Variants in ATP8B4 observed in about 807,000 individuals in gnomAD.
ATP8B4 encodes the protein probable phospholipid-transporting ATPase IM.
Under a neutral mutation model 145.6 loss-of-function variants are expected in ATP8B4, and 133 were observed. The ratio of observed to expected loss-of-function variants is 0.91; its 90% confidence interval spans 0.79 to 1.05. ATP8B4 has a LOEUF of 1.05. Among genes scored for constraint, ATP8B4 ranks in the 50% least tolerant of loss-of-function variants. The pLI is 0.00. For synonymous variants in ATP8B4, 507 were observed against 492.9 expected (o/e 1.03, Z -0.38); for missense variants, 1,458 against 1,425.2 (o/e 1.02, Z -0.37).
chr15:50,109,552 T>C (rs1328391680), intron 1 of ATP8B4, among the ~76,000 whole-genome samples: 1 of 151,786 alleles, frequency 6.6e-6, no homozygotes, highest in Non-Finnish European at 1.5e-5. Context: ...GCTTGAAAAT[T>C]CTCCAGTGGG....
At chr15:50,172,438 A>G (rs1485412851) in intron 1 of ATP8B4, among the ~76,000 whole-genome samples, 1 of 152,200 alleles carries the variant, frequency 6.6e-6, no homozygotes, top group Non-Finnish European at 1.5e-5. Context: ...TCTCGCTCAC[A>G]CAGTGCTCAA....
chr15:49,860,303 G>C lies in ATP8B4; in HGVS notation c.3470C>G (p.Ser1157Ter). The change falls in exon 28 of 28, where the codon TCA becomes TGA. Residue 1157 changes from serine (S) to a stop codon, truncating the protein, a stop_gained. Coordinates refer to ENST00000284509, the MANE Select transcript of ATP8B4 (RefSeq NM_024837.4). LOFTEE classifies it high-confidence loss of function. Reference sequence around the variant, plus strand: ...ATTATAATGTGTCTTTTCCAGCCCTGATGTTGGGGGTGGATTTTTAGCTCG... The same window carrying C: ...ATTATAATGTGTCTTTTCCAGCCCTCATGTTGGGGGTGGATTTTTAGCTCG... The part of the protein sequence containing the change: ...NMRAKNPPPT[S>*]GLEKTHYNST... The C allele has an allele frequency of 6.2e-7, 1 of 1,614,118 alleles. No individual in the cohort carries two copies. The highest frequency in any genetic ancestry group is 1.1e-5 in the South Asian group (1 of 91,078).
At chr15:49,873,638 A>G (rs768809888) in intron 25 of ATP8B4, among the ~76,000 whole-genome samples, 10 of 152,088 alleles carry the variant, frequency 6.6e-5, no homozygotes, top group Non-Finnish European at 1.2e-4. Context: ...ATTTCCTGCA[A>G]TGTATTCCTT....
chr15:49,950,608 AAAC>A (rs1443955185), intron 14 of ATP8B4, among the ~76,000 whole-genome samples: 2 of 98,892 alleles, frequency 2.0e-5, no homozygotes, highest in African/African-American at 7.3e-5. Context: ...AAAAACAAAC[AAAC>A]AAACAAACAA....
At chr15:50,093,979 T>G (rs2055786632) in intron 2 of ATP8B4, among the ~76,000 whole-genome samples, 1 of 152,110 alleles carries the variant, frequency 6.6e-6, no homozygotes, top group South Asian at 2.1e-4. Context: ...AGCCTCAAAA[T>G]ATGTAAAGAA....
intron 9 of ATP8B4, among the ~76,000 whole-genome samples, chr15:49,996,465 C>G (rs2047433094): frequency 6.6e-6 from 1 of 152,110 alleles, no homozygotes; most frequent in African/African-American, 2.4e-5. Context: ...AGGAAACAAG[C>G]ATGAAATGAA....
intron 20 of ATP8B4, among the ~76,000 whole-genome samples, chr15:49,914,811 T>C (rs1566978841): frequency 6.6e-6 from 1 of 152,046 alleles, no homozygotes; most frequent in East Asian, 1.9e-4. Flanking sequence ...ATAAATAAAT[T>C]AATAAATAAC....
chr15:50,126,240 CA>C (rs3076891), intron 1 of ATP8B4, among the ~76,000 whole-genome samples: 174 of 91,354 alleles, frequency 1.9e-3, no homozygotes, highest in Non-Finnish European at 2.1e-3. Flanking sequence ...GCTAACAGTC[CA>C]AAAAAAAAAA....
intron 6 of ATP8B4, among the ~76,000 whole-genome samples, chr15:50,025,972 T>G (rs995827022): frequency 1.3e-5 from 2 of 152,214 alleles, no homozygotes; most frequent in Admixed American, 6.5e-5. Flanking sequence ...AGTAGCCTCA[T>G]GCTTTGAATT....
At chr15:49,930,866 A>G (rs2041189059) in intron 16 of ATP8B4, among the ~76,000 whole-genome samples, 1 of 152,006 alleles carries the variant, frequency 6.6e-6, no homozygotes, top group African/African-American at 2.4e-5. Context: ...AAATTTTTTT[A>G]TATTTTTATT....
chr15:49,891,959 C>T (rs746468253), intron 23 of ATP8B4, among the ~76,000 whole-genome samples: 84 of 151,860 alleles, frequency 5.5e-4, no homozygotes, highest in Non-Finnish European at 1.1e-3. Context: ...ACTAAAAAAA[C>T]ACAAAAATTA....
chr15:50,071,345 T>G (rs1403626526), intron 3 of ATP8B4, among the ~76,000 whole-genome samples: 1 of 152,202 alleles, frequency 6.6e-6, no homozygotes, highest in Non-Finnish European at 1.5e-5. Flanking sequence ...GTCTGCAATA[T>G]TCCATTAATT....
intron 1 of ATP8B4, among the ~76,000 whole-genome samples, chr15:50,109,462 G>A (rs1193542765): frequency 2.0e-5 from 3 of 152,030 alleles, no homozygotes; most frequent in Non-Finnish European, 2.9e-5. Context: ...TGAATTCTGT[G>A]ACAACGACAT....
At position 50,004,255 on chromosome 15, in the gene ATP8B4, C is replaced by T. The variant is rs538547252; in HGVS notation, c.436-2032G>A. 1.9e-4 allele frequency among the ~76,000 whole-genome samples: 29 copies of T among 152,236 alleles called. No individual in the cohort carries two copies. In the South Asian group the frequency reaches 5.8e-3, roughly 31 times the overall value. The stretch of plus-strand genomic sequence containing the variant: ...GTGCGAAGGGAAGGCCCAGCGGGGC[C>T]GGGAGGATAAGCGGTCAATGCGCTC... On this transcript the variant is annotated intron_variant, in intron 7 of 27. Transcript: ENST00000284509.
At chr15:49,942,082 T>G (rs1043259170) in intron 14 of ATP8B4, among the ~76,000 whole-genome samples, 1 of 152,114 alleles carries the variant, frequency 6.6e-6, no homozygotes, top group African/African-American at 2.4e-5. Context: ...AATCTACATA[T>G]GAGATACAAT....
At chr15:50,121,351 G>T (rs527934985), upstream of ATP8B4, among the ~76,000 whole-genome samples, 3 of 152,216 alleles carry the variant, frequency 2.0e-5, no homozygotes, top group South Asian at 6.2e-4. Flanking sequence ...AGTATGGGAA[G>T]GTATTGTTTA....
chr15:50,097,949 T>C (rs2056092261), intron 2 of ATP8B4, among the ~76,000 whole-genome samples: 1 of 152,176 alleles, frequency 6.6e-6, no homozygotes, highest in South Asian at 2.1e-4. Flanking sequence ...TTAGTCCCAT[T>C]TTACAAATGC....
intron 6 of ATP8B4, among the ~76,000 whole-genome samples, chr15:50,021,814 C>T (rs896421208): frequency 3.3e-5 from 5 of 152,178 alleles, no homozygotes; most frequent in African/African-American, 4.8e-5. Context: ...TAGGAGAGTG[C>T]GTGGCACATA....
chr15:49,945,736 A>G (rs777452173), intron 14 of ATP8B4, among the ~76,000 whole-genome samples: 5 of 152,230 alleles, frequency 3.3e-5, no homozygotes, highest in Non-Finnish European at 2.9e-5. Flanking sequence ...AGAACAAAGA[A>G]TAAAATCACA....
Sources: gnomAD v4.1 joint callset for allele counts (sites outside exome capture counted in the v4.1 genomes callset) on GRCh38, gnomAD v4.1.1 for gene constraint, MANE v1.5 for transcripts, NCBI Gene and HGNC (gene_info 2026-07-23, HGNC 2026-07-21) for gene names.